The following PCSK5 variants were observed in gnomAD, a reference collection of about 807,000 sequenced individuals.
PCSK5 encodes proprotein convertase subtilisin/kexin type 5, also known as prohormone convertase 5.
In PCSK5, 129 loss-of-function variants were observed where a neutral mutation model predicts 233.2. The ratio of observed to expected loss-of-function variants is 0.55; its 90% CI spans 0.48 to 0.64. The LOEUF is 0.64. Ranked by LOEUF, PCSK5 falls within the 30% of genes least tolerant of loss-of-function variation. The pLI is 0.00. For missense variants in PCSK5, 2,076 were observed against 2,430.1 expected (o/e 0.85, Z 3.06); for synonymous variants, 825 against 879.2 (o/e 0.94, Z 1.09).
chr9:76,287,242 C>T (rs2490590), intron 24 of PCSK5: 46,138 of 221,532 alleles, frequency 0.21, 4,991 homozygotes, highest in Middle Eastern at 0.27. Context: ...CTCCTCTCCT[C>T]TCTTACCCTC....
chr9:76,215,535 GCCA>G (rs932971045), intron 20 of PCSK5, among the ~76,000 whole-genome samples: 2 of 152,166 alleles, frequency 1.3e-5, no homozygotes, highest in African/African-American at 4.8e-5. Context: ...TGCTAAAGAG[GCCA>G]CCAAGGGGAA....
At chr9:75,944,077 C>T (rs1335233559) in intron 2 of PCSK5, among the ~76,000 whole-genome samples, 1 of 151,872 alleles carries the variant, frequency 6.6e-6, no homozygotes, top group East Asian at 1.9e-4. Context: ...ATGGGAAGAC[C>T]ACTTGAGCCA....
At chr9:76,353,403 C>T (rs1204369833) in intron 36 of PCSK5, among the ~76,000 whole-genome samples, 1 of 152,114 alleles carries the variant, frequency 6.6e-6, no homozygotes, top group Non-Finnish European at 1.5e-5. Flanking sequence ...AATCCAGTAA[C>T]CACAGAGGCC....
In PCSK5 at chr9:76,157,026, A is replaced by C. The variant is rs753162377; in HGVS notation, c.1313-19A>C. 1 of 1,559,744 alleles carries C rather than the reference A, an allele frequency of 6.4e-7. No homozygotes were observed. The highest frequency in any genetic ancestry group is 1.1e-5 in the South Asian group (1 of 89,978). On this transcript the variant is annotated intron_variant, in intron 10 of 37. Transcript: ENST00000674117. ...CCTATGTAGCTTAGTGAAGCTGACC[A>C]GTCTCTCGCTTTCCACAGTGAGCCA...
At chr9:76,234,336 T>G (rs1826187137) in intron 22 of PCSK5, among the ~76,000 whole-genome samples, 1 of 152,182 alleles carries the variant, frequency 6.6e-6, no homozygotes, top group African/African-American at 2.4e-5. Flanking sequence ...CCCAAATCAT[T>G]ACCTGGAGTC....
At chr9:75,998,504 G>GT (rs1383554313) in intron 3 of PCSK5, among the ~76,000 whole-genome samples, 1 of 152,158 alleles carries the variant, frequency 6.6e-6, no homozygotes, top group African/African-American at 2.4e-5. Flanking sequence ...TACCGCTCTA[G>GT]TAAGTTTTCA....
At chr9:75,901,354 A>T (rs755485933) in intron 1 of PCSK5, among the ~76,000 whole-genome samples, 47 of 152,194 alleles carry the variant, frequency 3.1e-4, no homozygotes, top group Non-Finnish European at 4.6e-4. Context: ...CATCATTCTC[A>T]GCAAAGTAAC....
At chr9:76,287,815 C>T (rs1292581543) in intron 24 of PCSK5, 1 of 213,188 alleles carries the variant, frequency 4.7e-6, no homozygotes, top group Non-Finnish European at 1.0e-5. Flanking sequence ...GCAGGCCATG[C>T]TCCAGGTCTA....
chr9:76,056,866 T>A (rs1256004978), intron 5 of PCSK5, among the ~76,000 whole-genome samples: 1 of 152,192 alleles, frequency 6.6e-6, no homozygotes, highest in Non-Finnish European at 1.5e-5. Context: ...TTCTTTTAAG[T>A]CATTGGTCTG....
At chr9:76,321,360 A>C (rs1829195677) in intron 30 of PCSK5, 62 bp from the exon 31 acceptor site, 1 of 891,732 alleles carries the variant, frequency 1.1e-6, no homozygotes, top group East Asian at 2.4e-5. Flanking sequence ...CCTTTTCCCC[A>C]GGAATGAGTC....
chr9:76,345,179 TTTA>T (rs1389271329), intron 35 of PCSK5, among the ~76,000 whole-genome samples: 2 of 149,986 alleles, frequency 1.3e-5, no homozygotes, highest in African/African-American at 5.0e-5. Flanking sequence ...CTTATTTTAT[TTTA>T]TTATTTTATT....
At chr9:75,913,708 A>G (rs1822856364) in intron 1 of PCSK5, among the ~76,000 whole-genome samples, 1 of 152,170 alleles carries the variant, frequency 6.6e-6, no homozygotes. Context: ...GCTAATACAC[A>G]TTGTGCATTC....
At chr9:76,263,262 G>A (rs1253956665) in intron 24 of PCSK5, among the ~76,000 whole-genome samples, 1 of 152,138 alleles carries the variant, frequency 6.6e-6, no homozygotes, top group African/African-American at 2.4e-5. Context: ...ATTTGACTCA[G>A]CCATCGCATT....
rs572383736 is a variant in PCSK5, at chr9:76,049,749, C to T, written c.633-18206C>T. On this transcript the variant is annotated intron_variant, in intron 5 of 37. Transcript: ENST00000674117. The stretch of plus-strand genomic sequence containing the variant: ...AACCCTTACTCCCTGCAAAGGAAGC[C>T]TCCTATTTTCAGAAGTGTGTTCAGT... 4.2e-4 allele frequency among the ~76,000 whole-genome samples: 64 copies of T among 152,278 alleles called. No individual in the cohort carries two copies. The South Asian group carries it at 0.011, about 25-fold the overall frequency.
Position 76,296,812 on chromosome 9 carries a change from G to T in PCSK5, c.3470G>T (p.Arg1157Leu). The T allele has an allele frequency of 6.2e-7, 1 of 1,612,548 alleles. No individual in the cohort carries two copies. The highest frequency in any genetic ancestry group is 8.5e-7 in the Non-Finnish European group (1 of 1,179,692). ...SSCQEGLQLL[R>L]GMCVHATKTQ... is the part of the protein sequence containing the mutation. ...TGCCAGGAAGGACTGCAGCTGCTGC[G>T]TGGGATGTGCGTGCATGCCACCAAG... Residue 1157 changes from arginine (R) to leucine (L), a missense_variant, in exon 27 of 38, where the codon CGT becomes CTT. This residue lies in a region of PCSK5 where 1,510 missense variants were observed against 1,538.1 expected (regional missense o/e 0.98). Transcript: ENST00000674117.
At chr9:76,031,847 TAC>T (rs1398619045) in intron 5 of PCSK5, among the ~76,000 whole-genome samples, 1 of 152,208 alleles carries the variant, frequency 6.6e-6, no homozygotes, top group Admixed American at 6.5e-5. Context: ...AGTTAAAAAT[TAC>T]AGTTATCTCA....
chr9:76,222,160 T>C (rs1295356533), intron 20 of PCSK5, among the ~76,000 whole-genome samples: 1 of 150,684 alleles, frequency 6.6e-6, no homozygotes, highest in East Asian at 1.9e-4. Flanking sequence ...TTTATTTCCA[T>C]TATCACAGGA....
At chr9:76,064,410 T>G (rs2131588368) in intron 5 of PCSK5, among the ~76,000 whole-genome samples, 1 of 122,610 alleles carries the variant, frequency 8.2e-6, no homozygotes, top group Non-Finnish European at 1.7e-5. Flanking sequence ...GGCGGGGGGC[T>G]GACCCCCCCA....
At chr9:75,995,646 C>T (rs1291375632) in intron 3 of PCSK5, among the ~76,000 whole-genome samples, 1 of 151,912 alleles carries the variant, frequency 6.6e-6, no homozygotes, top group Non-Finnish European at 1.5e-5. Context: ...CTTCTAGTCA[C>T]AGAGGACTAT....
Sources: gnomAD v4.1 joint callset for allele counts (sites outside exome capture counted in the v4.1 genomes callset) on GRCh38, gnomAD v4.1.1 for gene constraint, gnomAD v4.1.1 regional missense constraint, MANE v1.5 for transcripts, NCBI Gene and HGNC (gene_info 2026-07-23, HGNC 2026-07-21) for gene names.